Variants in SEC14L5 observed in about 807,000 individuals in gnomAD.
SEC14L5 encodes the protein SEC14 like lipid binding 5.
SEC14L5 carries 96 observed loss-of-function variants against 84.6 expected under a neutral mutation model. That is an observed-to-expected ratio of 1.13 (90% CI 0.96 to 1.34). SEC14L5 has a LOEUF of 1.34. Ranked by LOEUF, SEC14L5 falls within the 40% of genes most tolerant of loss-of-function variation. SEC14L5 has a pLI of 0.00. For synonymous variants in SEC14L5, 546 were observed against 383.4 expected, an observed-to-expected ratio of 1.42 and a Z score of -4.95; for missense variants, 1,224 against 942.5, an observed-to-expected ratio of 1.30 and a Z score of -3.91.
intron 8 of SEC14L5, among the ~76,000 whole-genome samples, chr16:4,999,334 G>A (rs936486519): frequency 1.3e-5 from 2 of 152,210 alleles, no homozygotes; most frequent in Non-Finnish European, 2.9e-5. Flanking sequence ...GCCGGGCGCA[G>A]TGGCTCACAC....
chr16:4,990,656 T>A, intron 4 of SEC14L5, 111 bp from the exon 5 acceptor site: 2 of 1,105,904 alleles, frequency 1.8e-6, no homozygotes, highest in Admixed American at 6.3e-5. Context: ...CCAGGCTTGA[T>A]CTGCTTTCCA....
rs140456675 is a variant in SEC14L5, at chr16:5,010,233, G to A, written c.1801-862G>A. On this transcript the variant is annotated intron_variant, in intron 14 of 15. Coordinates refer to ENST00000251170, the MANE Select transcript of SEC14L5 (RefSeq NM_014692.2). ...AAAAAAAAAAGCGAGGTGTGGTGGC[G>A]GGTGCCTGTAATCCCAGCTACTCGG... Among the ~76,000 whole-genome samples, 736 of 149,388 alleles carry A rather than the reference G, an allele frequency of 4.9e-3. 6 individuals carry two copies. Among genetic ancestry groups the A allele is most frequent in the African/African-American group, 0.017 (694 of 40,798 alleles).
At chr16:5,000,607 G>C (rs1482899455) in intron 8 of SEC14L5, 48 bp from the exon 9 acceptor site, 30 of 1,421,768 alleles carry the variant, frequency 2.1e-5, no homozygotes, top group Non-Finnish European at 2.9e-5. Context: ...CTCGGAAGCA[G>C]TCCTCTAAAT....
chr16:4,996,145 C>T lies in SEC14L5; in HGVS notation c.668-203C>T, dbSNP rs556929894. 1.6e-3 allele frequency among the ~76,000 whole-genome samples: 239 copies of T among 152,204 alleles called. 2 individuals are homozygous for T. The highest frequency in any genetic ancestry group is 5.2e-3 in the African/African-American group (216 of 41,540). ...TGAGATCCAGGTTTGCCTGATGATG[C>T]GTTTTCAGAACCCCCTTGGACATGG... On this transcript the variant is annotated intron_variant, in intron 6 of 15. Coordinates refer to ENST00000251170, the MANE Select transcript of SEC14L5 (RefSeq NM_014692.2).
chr16:4,988,351 C>G, intron 4 of SEC14L5, 71 bp downstream of exon 4: 1 of 1,559,988 alleles, frequency 6.4e-7, no homozygotes, highest in Non-Finnish European at 8.7e-7. Context: ...GTGCCCAGAG[C>G]TGTGTCCCCA....
chr16:4,968,692 T>G (rs1955236272), intron 2 of SEC14L5, among the ~76,000 whole-genome samples: 1 of 152,218 alleles, frequency 6.6e-6, no homozygotes, highest in Non-Finnish European at 1.5e-5. Flanking sequence ...GGTCCCCTTT[T>G]GTCCAGCCAC....
At position 5,003,472 on chromosome 16, in the gene SEC14L5, C is replaced by A. The variant is rs746778339; in HGVS notation, c.1201C>A (p.Leu401Met). ...RHLWRPGVKA[L>M]LRMIEVVEDN... Reference sequence around the variant, plus strand: ...CCTGTGGCGGCCGGGGGTGAAGGCCCTGCTGCGGATGATTGAGGTGGTTGA... The same window carrying A: ...CCTGTGGCGGCCGGGGGTGAAGGCCATGCTGCGGATGATTGAGGTGGTTGA... Residue 401 changes from leucine (L) to methionine (M), a missense_variant, in exon 11 of 16, where the codon CTG (leucine) becomes ATG (methionine). Coordinates refer to ENST00000251170, the MANE Select transcript of SEC14L5 (RefSeq NM_014692.2). 19 of 1,613,110 alleles carry A rather than the reference C, an allele frequency of 1.2e-5. No homozygotes were observed. The highest frequency in any genetic ancestry group is 1.5e-5 in the Non-Finnish European group (18 of 1,179,576).
rs753163906 is a variant in SEC14L5, at chr16:5,003,455, G to A, written c.1184G>A (p.Arg395Gln). The part of the protein sequence containing the change: ...LEGLNMRHLW[R>Q]PGVKALLRMI... ...GGACTCAACATGCGGCACCTGTGGCGGCCGGGGGTGAAGGCCCTGCTGCGG... is the reference window on the plus strand; with the variant it reads ...GGACTCAACATGCGGCACCTGTGGCAGCCGGGGGTGAAGGCCCTGCTGCGG... Residue 395 changes from arginine (R) to glutamine (Q), a missense_variant, in exon 11 of 16, where the codon CGG becomes CAG. Coordinates refer to ENST00000251170, the MANE Select transcript of SEC14L5 (RefSeq NM_014692.2). 14 of 1,613,196 alleles carry A rather than the reference G, an allele frequency of 8.7e-6. No individual in the cohort carries two copies. Among genetic ancestry groups the A allele is most frequent in the Middle Eastern group, 1.6e-4 (1 of 6,078 alleles).
At chr16:4,963,273 A>G (rs1955151815) in intron 2 of SEC14L5, among the ~76,000 whole-genome samples, 1 of 152,156 alleles carries the variant, frequency 6.6e-6, no homozygotes, top group Non-Finnish European at 1.5e-5. Flanking sequence ...ATAAACAGAG[A>G]TTTCTCTCCA....
Position 4,988,227 on chromosome 16 carries a change from C to T in SEC14L5, c.292C>T (p.His98Tyr), listed in dbSNP as rs765145944. The stretch of plus-strand genomic sequence containing the variant: ...GGAGAGGACGCTCCTCATCGAAGCG[C>T]ACAATGAGACCTTCGCCAACCGCGT... ...WKERTLLIEA[H>Y]NETFANRVVV... is the part of the protein sequence containing the mutation. The change falls in exon 4 of 16, where the codon CAC becomes TAC. Residue 98 changes from histidine to tyrosine, a missense_variant. By Grantham distance (83) the His-to-Tyr change is moderately conservative. Transcript: ENST00000251170. 6.2e-7 allele frequency: 1 copy of T among 1,613,802 alleles called. No individual in the cohort carries two copies. Among genetic ancestry groups the T allele is most frequent in the Non-Finnish European group, 8.5e-7 (1 of 1,179,750 alleles).
At chr16:5,007,640 C>A (rs189888510) in intron 13 of SEC14L5, among the ~76,000 whole-genome samples, 154 bp downstream of exon 13, 3 of 139,662 alleles carry the variant, frequency 2.1e-5, no homozygotes, top group Non-Finnish European at 4.5e-5. Flanking sequence ...GAGTCTCGCT[C>A]TGTTGCCCAG....
rs1484507519 is a variant in SEC14L5, at chr16:5,017,103, T to C, written c.*2133T>C. On this transcript the variant is annotated 3_prime_UTR_variant, in exon 16 of 16. Transcript: ENST00000251170. ...GGATAAGCTGCCCTGGCAGTCTTTA[T>C]ACATTTATTGTCTAGCCCCAGAGAA... is the stretch of plus-strand genomic sequence containing the variant. 2 of 150,898 alleles carry C rather than the reference T, an allele frequency of 1.3e-5. No individual in the cohort carries two copies. The highest frequency in any genetic ancestry group is 1.3e-4 in the Admixed American group (2 of 15,004). The allele number at this position is 150,898 out of a possible 1,614,324, so 9.3% of individuals were successfully genotyped here.
At position 4,991,602 on chromosome 16, in the gene SEC14L5, C is replaced by G. The variant is rs1230394019; in HGVS notation, c.475-236C>G. Reference sequence around the variant, plus strand: ...ACAAAAACAAAAACAACCCCCAACCCAAAAAACTGATTACTGAGCTATTTT... The same window carrying G: ...ACAAAAACAAAAACAACCCCCAACCGAAAAAACTGATTACTGAGCTATTTT... On this transcript the variant is annotated intron_variant, in intron 5 of 15. Coordinates refer to ENST00000251170, the MANE Select transcript of SEC14L5 (RefSeq NM_014692.2). Among the ~76,000 whole-genome samples, 4 of 151,992 alleles carry G rather than the reference C, an allele frequency of 2.6e-5. No homozygotes were observed. The East Asian group carries it at 7.7e-4, about 29-fold the overall frequency.
At chr16:4,995,495 G>A (rs541586206) in intron 6 of SEC14L5, among the ~76,000 whole-genome samples, 2 of 152,326 alleles carry the variant, frequency 1.3e-5, no homozygotes, top group South Asian at 2.1e-4. Context: ...AATGGGGCCT[G>A]GGGATGGGGC....
chr16:5,019,018 G>C lies in SEC14L5; in HGVS notation c.*4048G>C, dbSNP rs1955904723. ...CTAAAACCCTGGAGGTTTCCCGTGG[G>C]CTCGTTCAAGAACTTTCCAGCTGTT... is the stretch of plus-strand genomic sequence containing the variant. On this transcript the variant is annotated 3_prime_UTR_variant, in exon 16 of 16. Coordinates refer to ENST00000251170, the MANE Select transcript of SEC14L5 (RefSeq NM_014692.2). 1 of 152,178 alleles carries C rather than the reference G, an allele frequency of 6.6e-6. No homozygotes were observed. Among genetic ancestry groups the C allele is most frequent in the Admixed American group, 6.5e-5 (1 of 15,276 alleles). The allele number at this position is 152,178 out of a possible 1,614,324, so 9.4% of individuals were successfully genotyped here.
At chr16:4,959,145 C>A in intron 1 of SEC14L5, 128 bp from the exon 2 acceptor site, 1 of 615,260 alleles carries the variant, frequency 1.6e-6, no homozygotes, top group Non-Finnish European at 2.9e-6. Flanking sequence ...GGGGGAATAT[C>A]AGCCTTCTCA....
intron 4 of SEC14L5, among the ~76,000 whole-genome samples, chr16:4,989,787 T>G (rs1276397875): frequency 6.6e-6 from 1 of 152,108 alleles, no homozygotes; most frequent in Non-Finnish European, 1.5e-5. Flanking sequence ...TCAGAATGAG[T>G]TCTATCAATA....
At chr16:4,994,270 C>T (rs1351590321) in intron 6 of SEC14L5, among the ~76,000 whole-genome samples, 1 of 152,206 alleles carries the variant, frequency 6.6e-6, no homozygotes, top group Non-Finnish European at 1.5e-5. Flanking sequence ...CTAACTCTGA[C>T]ACACTTGGGT....
chr16:5,006,413 A>T (rs976033969), intron 12 of SEC14L5, among the ~76,000 whole-genome samples: 1 of 152,130 alleles, frequency 6.6e-6, no homozygotes, highest in Non-Finnish European at 1.5e-5. Flanking sequence ...AGGGGAGGTG[A>T]CTCGAATGTA....
Sources: allele counts gnomAD v4.1 joint callset (sites outside exome capture counted in the v4.1 genomes callset), GRCh38; gene constraint gnomAD v4.1.1; transcripts MANE v1.5; gene names NCBI Gene and HGNC (gene_info 2026-07-23, HGNC 2026-07-21).